Variants in GADL1 observed in about 807,000 individuals in gnomAD.
GADL1 encodes GAD like acidic amino acid decarboxylase 1.
Under a neutral mutation model 69.5 loss-of-function variants are expected in GADL1, and 71 were observed. The observed-to-expected ratio is 1.02, with a 90% CI of 0.84 to 1.25. The LOEUF (loss-of-function observed/expected upper bound fraction) is 1.25, where lower values mean the gene tolerates loss of function less well. Ranked by LOEUF, GADL1 falls within the 50% of genes most tolerant of loss-of-function variation. The probability of loss-of-function intolerance (pLI) is 0.00; values close to 1 mark genes in which losing one functional copy is unlikely to be tolerated. For synonymous variants in GADL1, 254 were observed against 214.4 expected (o/e 1.18, Z -1.62); for missense variants, 737 against 631.8 (o/e 1.17, Z -1.79).
At chr3:30,882,766 G>A (rs1698659535) in intron 1 of GADL1, among the ~76,000 whole-genome samples, 1 of 151,484 alleles carries the variant, frequency 6.6e-6, no homozygotes, top group South Asian at 2.1e-4. Context: ...TTACACCATT[G>A]TACAATGTCT....
At chr3:30,817,074 C>T (rs181589746) in intron 11 of GADL1, among the ~76,000 whole-genome samples, 1 of 152,252 alleles carries the variant, frequency 6.6e-6, no homozygotes, top group African/African-American at 2.4e-5. Flanking sequence ...TTCTCCCCTG[C>T]CTTACAAAAT....
At chr3:30,828,391 T>C (rs1697719553) in intron 11 of GADL1, among the ~76,000 whole-genome samples, 1 of 149,346 alleles carries the variant, frequency 6.7e-6, no homozygotes, top group South Asian at 2.1e-4. Flanking sequence ...CTTTACGTTG[T>C]ACTATGTGGC....
chr3:30,761,740 C>T (rs935411550), intron 14 of GADL1, among the ~76,000 whole-genome samples: 22 of 151,978 alleles, frequency 1.4e-4, no homozygotes, highest in African/African-American at 5.3e-4. Context: ...ATCATTAGAC[C>T]AGTAAGTAAA....
At position 30,746,773 on chromosome 3, in the gene GADL1, A is replaced by G. The variant is rs1052808701; in HGVS notation, c.1393-18358T>C. ...AAAACAATGGACATTAAGATAATTG[A>G]CAATAAAAATTTCCATTAAAATAAT... On this transcript the variant is annotated intron_variant, in intron 14 of 14. Transcript: ENST00000282538. Among the ~76,000 whole-genome samples the G allele has an allele frequency of 3.3e-5, 5 of 152,238 alleles. No homozygotes were observed. The East Asian group carries it at 7.7e-4, about 23-fold the overall frequency.
chr3:30,827,302 G>A (rs1369513718), intron 11 of GADL1, among the ~76,000 whole-genome samples: 1 of 151,828 alleles, frequency 6.6e-6, no homozygotes, highest in African/African-American at 2.4e-5. Flanking sequence ...TAAGACCTGT[G>A]CCCAGTTCAA....
Position 30,726,553 on chromosome 3 carries a change from T to A in GADL1, c.*1689A>T, listed in dbSNP as rs983145556. ...ATTTGAAGTAATTCAGAGACAGATT[T>A]AATATTCTTTGACCAATAGAGATAC... is the stretch of plus-strand genomic sequence containing the variant. On this transcript the variant is annotated 3_prime_UTR_variant, in exon 15 of 15. Coordinates refer to ENST00000282538, the MANE Select transcript of GADL1 (RefSeq NM_207359.3). The A allele has an allele frequency of 6.6e-6, 1 of 152,014 alleles. No individual in the cohort carries two copies. The highest frequency in any genetic ancestry group is 2.4e-5 in the African/African-American group (1 of 41,412). 9.4% of individuals were successfully genotyped at this position (152,014 alleles called of 1,614,324 possible). A position where few individuals can be genotyped will look rare whatever the true frequency, so the allele number is the denominator to read the frequency against.
At chr3:30,753,570 C>T (rs1695887418) in intron 14 of GADL1, among the ~76,000 whole-genome samples, 1 of 151,908 alleles carries the variant, frequency 6.6e-6, no homozygotes, top group African/African-American at 2.4e-5. Context: ...TGAGCTCTTT[C>T]AAACAAGCGT....
chr3:30,798,716 G>A (rs1379590494), intron 12 of GADL1: 3 of 152,068 alleles, frequency 2.0e-5, no homozygotes, highest in Non-Finnish European at 4.4e-5. Context: ...ACAGTCCAAG[G>A]TTTCATCTGA....
intron 4 of GADL1, among the ~76,000 whole-genome samples, chr3:30,852,929 A>G (rs779706764): frequency 2.6e-5 from 4 of 152,128 alleles, no homozygotes; most frequent in Non-Finnish European, 4.4e-5. Flanking sequence ...ACTGATTGTA[A>G]CCTGGTATCT....
chr3:30,891,140 C>A (rs1159236852), intron 1 of GADL1, among the ~76,000 whole-genome samples: 1 of 152,024 alleles, frequency 6.6e-6, no homozygotes, highest in African/African-American at 2.4e-5. Flanking sequence ...ATTCATCTGT[C>A]ATGATCTGAG....
intron 14 of GADL1, among the ~76,000 whole-genome samples, chr3:30,761,054 T>C (rs1205722667): frequency 6.6e-6 from 1 of 152,216 alleles, no homozygotes; most frequent in Non-Finnish European, 1.5e-5. Flanking sequence ...GCAACTAGTA[T>C]TGTATATTTT....
intron 8 of GADL1, among the ~76,000 whole-genome samples, chr3:30,840,954 GC>G (rs1320219890): frequency 6.6e-6 from 1 of 152,170 alleles, no homozygotes; most frequent in Non-Finnish European, 1.5e-5. Flanking sequence ...TTGTCAGTAA[GC>G]CCTTTAGGAC....
intron 14 of GADL1, among the ~76,000 whole-genome samples, chr3:30,745,197 G>A (rs966699371): frequency 6.6e-6 from 1 of 152,210 alleles, no homozygotes; most frequent in Non-Finnish European, 1.5e-5. Flanking sequence ...AGGACTCAAA[G>A]TAGATTATTA....
intron 9 of GADL1, among the ~76,000 whole-genome samples, chr3:30,837,588 C>T (rs998958259): frequency 6.6e-6 from 1 of 152,092 alleles, no homozygotes; most frequent in Non-Finnish European, 1.5e-5. Flanking sequence ...AATTTAAAAG[C>T]TGCTGTGGTG....
intron 11 of GADL1, among the ~76,000 whole-genome samples, chr3:30,814,558 C>A (rs2372217): frequency 0.53 from 81,026 of 151,976 alleles, 25,237 homozygotes; most frequent in African/African-American, 0.86. Context: ...CTGTGTTCTA[C>A]TAAAACTTTA....
chr3:30,844,034 A>T (rs956205371), intron 8 of GADL1, among the ~76,000 whole-genome samples, 176 bp downstream of exon 8: 2 of 152,238 alleles, frequency 1.3e-5, no homozygotes, highest in African/African-American at 4.8e-5. Context: ...TGGAAATAGA[A>T]CATCTGTAAA....
intron 12 of GADL1, among the ~76,000 whole-genome samples, chr3:30,793,302 C>T (rs1481907903): frequency 6.6e-6 from 1 of 152,094 alleles, no homozygotes; most frequent in African/African-American, 2.4e-5. Flanking sequence ...TTTAAGTCAC[C>T]TCTGCTTATG....
chr3:30,865,283 TAATA>T (rs1246187900), intron 1 of GADL1, among the ~76,000 whole-genome samples: 20 of 103,202 alleles, frequency 1.9e-4, no homozygotes, highest in African/African-American at 1.6e-3. Context: ...CCACGTAAAT[TAATA>T]TATATATATA....
chr3:30,889,810 G>T lies in GADL1; in HGVS notation c.37+4768C>A, dbSNP rs1011876917. Among the ~76,000 whole-genome samples, 8 of 152,130 alleles carry T rather than the reference G, an allele frequency of 5.3e-5. No homozygotes were observed. The East Asian group carries it at 1.5e-3, about 29-fold the overall frequency. On this transcript the variant is annotated intron_variant, in intron 1 of 14. Transcript: ENST00000282538. Reference sequence around the variant, plus strand: ...CAGTGACAGGTGGTACAGTATAAGTGATCTTATAATATACATAGTTTATAT... The same window carrying T: ...CAGTGACAGGTGGTACAGTATAAGTTATCTTATAATATACATAGTTTATAT...
Sources: gnomAD v4.1 joint callset for allele counts (sites outside exome capture counted in the v4.1 genomes callset) on GRCh38, gnomAD v4.1.1 for gene constraint, MANE v1.5 for transcripts, NCBI Gene and HGNC (gene_info 2026-07-23, HGNC 2026-07-21) for gene names.